Variants in ATP6V0D1 observed in about 807,000 individuals in gnomAD.
ATP6V0D1 encodes ATPase H+ transporting V0 subunit d1, also known as V-type proton ATPase subunit d 1.
Under a neutral mutation model 39.0 loss-of-function variants are expected in ATP6V0D1, and 13 were observed. The observed-to-expected ratio is 0.33, with a 90% confidence interval of 0.22 to 0.53. The LOEUF (loss-of-function observed/expected upper bound fraction) is 0.53. ATP6V0D1 is among the 20% of genes least tolerant of loss of function. ATP6V0D1 has a pLI of 0.94. For missense variants in ATP6V0D1, 272 were observed against 470.9 expected, an observed-to-expected ratio of 0.58 and a Z score of 3.91; for synonymous variants, 191 against 191.2, an observed-to-expected ratio of 1.00 and a Z score of 0.01.
intron 1 of ATP6V0D1, among the ~76,000 whole-genome samples, chr16:67,474,605 G>A (rs2041400351): frequency 6.6e-6 from 1 of 152,170 alleles, no homozygotes; most frequent in Non-Finnish European, 1.5e-5. Context: ...TTTTTGGCAG[G>A]ACCATCATTT....
chr16:67,472,758 T>C (rs553169573), intron 1 of ATP6V0D1, among the ~76,000 whole-genome samples: 1 of 152,170 alleles, frequency 6.6e-6, no homozygotes, highest in South Asian at 2.1e-4. Flanking sequence ...TAGTGCCAGC[T>C]ACTCGGGAGG....
intron 2 of ATP6V0D1, chr16:67,445,786 T>C (rs2041107854): frequency 7.8e-6 from 3 of 386,632 alleles, no homozygotes. Context: ...ACAAAGGGGC[T>C]GGGGCAGAGA....
At position 67,444,712 on chromosome 16, in the gene ATP6V0D1, G is replaced by T; in HGVS notation, c.303-6C>A. 1 of 1,587,530 alleles carries T rather than the reference G, an allele frequency of 6.3e-7. No individual in the cohort carries two copies. The highest frequency in any genetic ancestry group is 8.6e-7 in the Non-Finnish European group (1 of 1,162,756). On this transcript the variant is annotated splice_polypyrimidine_tract_variant and splice_region_variant and intron_variant, in intron 2 of 7. Transcript: ENST00000290949. The surrounding 1 kb of genome is among the most constrained non-coding windows in gnomAD (Gnocchi z 4.8). ...TGTCGATCATGTAACTGTAACTACA[G>T]GGGGCAGGCAATAGCAAGGAGCCCA... is the stretch of plus-strand genomic sequence containing the variant.
At chr16:67,445,976 A>G (rs2041110043) in intron 2 of ATP6V0D1, 1 of 455,658 alleles carries the variant, frequency 2.2e-6, no homozygotes, top group Admixed American at 2.4e-5. Flanking sequence ...CTATGGGATA[A>G]AAGTTGGGGT....
At chr16:67,477,498 GACTT>G (rs1043558216) in intron 1 of ATP6V0D1, among the ~76,000 whole-genome samples, 8 of 152,190 alleles carry the variant, frequency 5.3e-5, no homozygotes, top group African/African-American at 1.2e-4. Context: ...TGCTGTCTGG[GACTT>G]ACTTCTGAAT....
chr16:67,466,992 T>G (rs1332039323), intron 1 of ATP6V0D1, among the ~76,000 whole-genome samples: 4 of 152,134 alleles, frequency 2.6e-5, no homozygotes. Flanking sequence ...CTCTACACTC[T>G]TGCTCTCCCT....
rs977583969 is a variant in ATP6V0D1 at position 67,456,408 on chromosome 16, G to A, written c.131-2693C>T. 3.3e-5 allele frequency: 5 copies of A among 152,186 alleles called. No homozygotes were observed. Among genetic ancestry groups the A allele is most frequent in the South Asian group, 2.1e-4 (1 of 4,834 alleles). The allele number at this position is 152,186 out of a possible 1,614,324, so 9.4% of individuals were successfully genotyped here. A position where few individuals can be genotyped will look rare whatever the true frequency, so the allele number is the denominator to read the frequency against. On this transcript the variant is annotated intron_variant, in intron 1 of 7. Transcript: ENST00000290949. The surrounding 1 kb of genome is among the most constrained non-coding windows in gnomAD (Gnocchi z 4.1). The stretch of plus-strand genomic sequence containing the variant: ...AATATTAACTGGTTCCTCTTACTGT[G>A]GTATTAAAATGAAGCCTTCTTAATT...
At chr16:67,478,586 C>G (rs2041435811) in intron 1 of ATP6V0D1, among the ~76,000 whole-genome samples, 1 of 148,090 alleles carries the variant, frequency 6.8e-6, no homozygotes, top group Non-Finnish European at 1.5e-5. Context: ...TGCACTCCAG[C>G]CTGGGTGACA....
chr16:67,445,236 C>G (rs1597570070), intron 2 of ATP6V0D1, among the ~76,000 whole-genome samples: 2 of 152,300 alleles, frequency 1.3e-5, no homozygotes, highest in East Asian at 3.9e-4. Context: ...CAGCCGGCAG[C>G]ACGGGGCTGC....
intron 4 of ATP6V0D1, chr16:67,441,496 A>T (rs924913710): frequency 6.6e-6 from 1 of 152,132 alleles, no homozygotes; most frequent in Non-Finnish European, 1.5e-5. Context: ...GGACAGCCGC[A>T]CCCCTCACCC....
intron 1 of ATP6V0D1, among the ~76,000 whole-genome samples, chr16:67,463,222 C>A (rs532155746): frequency 1.3e-5 from 2 of 152,156 alleles, no homozygotes; most frequent in Non-Finnish European, 2.9e-5. Flanking sequence ...AAGTCCCATT[C>A]CCTGCGGCTC....
At chr16:67,463,761 C>A (rs2041307746) in intron 1 of ATP6V0D1, among the ~76,000 whole-genome samples, 2 of 152,002 alleles carry the variant, frequency 1.3e-5, no homozygotes, top group Admixed American at 6.5e-5. Flanking sequence ...CAGGACCCCA[C>A]CCACCCTGCC....
chr16:67,457,353 G>C (rs534273154), intron 1 of ATP6V0D1: 1 of 331,030 alleles, frequency 3.0e-6, no homozygotes, highest in South Asian at 2.4e-5. Context: ...TCTGTCCCCA[G>C]ATCTAGTTTC....
At chr16:67,466,245 C>T (rs2041328144) in intron 1 of ATP6V0D1, among the ~76,000 whole-genome samples, 2 of 151,304 alleles carry the variant, frequency 1.3e-5, no homozygotes, top group Admixed American at 6.6e-5. Context: ...CTTTGGGAGG[C>T]CAAGATGGGC....
chr16:67,453,845 A>C lies in ATP6V0D1; in HGVS notation c.131-130T>G. On this transcript the variant is annotated intron_variant, in intron 1 of 7. Transcript: ENST00000290949. The surrounding 1 kb of genome is among the most constrained non-coding windows in gnomAD (Gnocchi z 4.1). Reference sequence around the variant, plus strand: ...GTGTCCCGCTACTACCCTGATCTCCATCTCCCTGTTGGCTCAGGGCCTACC... The same window carrying C: ...GTGTCCCGCTACTACCCTGATCTCCCTCTCCCTGTTGGCTCAGGGCCTACC... 2.4e-6 allele frequency: 2 copies of C among 850,628 alleles called. No homozygotes were observed. Among genetic ancestry groups the C allele is most frequent in the Non-Finnish European group, 3.6e-6 (2 of 551,806 alleles). The allele number at this position is 850,628 out of a possible 1,614,324, so 52.7% of individuals were successfully genotyped here.
intron 4 of ATP6V0D1, chr16:67,440,713 A>C (rs2041040826): frequency 2.0e-5 from 3 of 152,302 alleles, no homozygotes. Context: ...CTGTGAGCCC[A>C]GGCCTGCCCT....
intron 1 of ATP6V0D1, among the ~76,000 whole-genome samples, chr16:67,460,942 A>G (rs529674339): frequency 6.6e-6 from 1 of 152,296 alleles, no homozygotes; most frequent in South Asian, 2.1e-4. Flanking sequence ...TTGGCCCTAA[A>G]ACACTTGTGG....
rs560149019 is a variant in ATP6V0D1, at chr16:67,454,276, C to T, written c.131-561G>A. 3.0e-4 allele frequency among the ~76,000 whole-genome samples: 46 copies of T among 152,332 alleles called. 1 individual carries two copies. In the Middle Eastern group the frequency reaches 0.01, roughly 34 times the overall value. On this transcript the variant is annotated intron_variant, in intron 1 of 7. Coordinates refer to ENST00000290949, the MANE Select transcript of ATP6V0D1 (RefSeq NM_004691.5). ...CAGGGGCAAGAAAGTACAAAGGAAA[C>T]AGCCAGGAGGATGGTGTGAGTGACA... is the stretch of plus-strand genomic sequence containing the variant.
chr16:67,463,470 G>A (rs2041305214), intron 1 of ATP6V0D1, among the ~76,000 whole-genome samples: 1 of 151,978 alleles, frequency 6.6e-6, no homozygotes, highest in Non-Finnish European at 1.5e-5. Context: ...GGTCAAGACT[G>A]CAGTGTTCAT....
Sources: allele counts gnomAD v4.1 joint callset (sites outside exome capture counted in the v4.1 genomes callset), GRCh38; gene constraint gnomAD v4.1.1; non-coding constraint Gnocchi (gnomAD v3.1); transcripts MANE v1.5; gene names NCBI Gene and HGNC (gene_info 2026-07-23, HGNC 2026-07-21).